The following KIAA1958 variants were observed in gnomAD, a reference collection of about 807,000 sequenced individuals.
The protein encoded by KIAA1958 is KIAA1958, also known as uncharacterized protein KIAA1958.
KIAA1958 carries 14 observed loss-of-function variants against 47.2 expected under a neutral mutation model. That is an observed-to-expected ratio of 0.30 (90% CI 0.20 to 0.46). The LOEUF (loss-of-function observed/expected upper bound fraction) is 0.46. Ranked by LOEUF, KIAA1958 falls within the 20% of genes least tolerant of loss-of-function variation. The probability of loss-of-function intolerance (pLI) is 1.00; values close to 1 mark genes in which losing one functional copy is unlikely to be tolerated. For missense variants in KIAA1958, 803 were observed against 909.2 expected, an observed-to-expected ratio of 0.88 and a Z score of 1.50; for synonymous variants, 354 against 353.3, an observed-to-expected ratio of 1.00 and a Z score of -0.02.
intron 2 of KIAA1958, among the ~76,000 whole-genome samples, chr9:112,623,833 C>T (rs1836552484): frequency 6.6e-6 from 1 of 152,172 alleles, no homozygotes; most frequent in South Asian, 2.1e-4. Flanking sequence ...AAGCCAGTAT[C>T]GATTGCCATT....
intron 2 of KIAA1958, among the ~76,000 whole-genome samples, chr9:112,644,913 A>C (rs148057918): frequency 3.3e-5 from 5 of 152,298 alleles, no homozygotes; most frequent in African/African-American, 1.2e-4. Context: ...AGGTGGGTGG[A>C]TCACCTGAGG....
At chr9:112,595,332 G>GAA (rs760806604) in intron 2 of KIAA1958, among the ~76,000 whole-genome samples, 2 of 152,194 alleles carry the variant, frequency 1.3e-5, no homozygotes, top group Non-Finnish European at 2.9e-5. Context: ...GGTGCCAGCA[G>GAA]AAAACATTAG....
intron 2 of KIAA1958, among the ~76,000 whole-genome samples, chr9:112,603,040 A>T (rs1435780532): frequency 6.6e-6 from 1 of 152,150 alleles, no homozygotes; most frequent in Non-Finnish European, 1.5e-5. Flanking sequence ...AGACCCTGGG[A>T]ATAAAGCAGT....
At chr9:112,608,129 T>C (rs1335348055) in intron 2 of KIAA1958, among the ~76,000 whole-genome samples, 2 of 152,220 alleles carry the variant, frequency 1.3e-5, no homozygotes, top group African/African-American at 2.4e-5. Flanking sequence ...GTGGGAATTA[T>C]GGTTAAAAAC....
chr9:112,628,255 G>A (rs1025128119), intron 2 of KIAA1958, among the ~76,000 whole-genome samples: 1 of 152,130 alleles, frequency 6.6e-6, no homozygotes, highest in Non-Finnish European at 1.5e-5. Flanking sequence ...AACTTGTTGT[G>A]TGACTGTCAC....
intron 1 of KIAA1958, among the ~76,000 whole-genome samples, chr9:112,511,862 GAT>G (rs1834331184): frequency 6.6e-6 from 1 of 152,168 alleles, no homozygotes; most frequent in Admixed American, 6.5e-5. Context: ...GAATTCTACA[GAT>G]ATTAAAAGGA....
chr9:112,526,970 T>C (rs372777167), intron 1 of KIAA1958, among the ~76,000 whole-genome samples: 5 of 152,238 alleles, frequency 3.3e-5, no homozygotes, highest in African/African-American at 1.2e-4. Context: ...GAGGTGTTTA[T>C]GATGAACCTA....
chr9:112,579,463 A>G (rs1031189038), intron 2 of KIAA1958, among the ~76,000 whole-genome samples: 2 of 151,822 alleles, frequency 1.3e-5, no homozygotes, highest in African/African-American at 2.4e-5. Flanking sequence ...TCATGTTACT[A>G]TTTTTGCAGG....
intron 2 of KIAA1958, among the ~76,000 whole-genome samples, chr9:112,580,238 G>A (rs1835714009): frequency 6.6e-6 from 1 of 152,156 alleles, no homozygotes; most frequent in African/African-American, 2.4e-5. Context: ...GTAAACCAGA[G>A]ATTCCTACTA....
chr9:112,595,385 G>T (rs1836002650), intron 2 of KIAA1958, among the ~76,000 whole-genome samples: 1 of 152,182 alleles, frequency 6.6e-6, no homozygotes, highest in Non-Finnish European at 1.5e-5. Context: ...AGCTGGCCGG[G>T]TGCAGTGGCT....
At chr9:112,621,170 G>A (rs1006321395) in intron 2 of KIAA1958, among the ~76,000 whole-genome samples, 6 of 152,154 alleles carry the variant, frequency 3.9e-5, no homozygotes, top group African/African-American at 1.4e-4. Context: ...TGATCAAAAG[G>A]AATGCTGAGT....
At chr9:112,585,353 A>C (rs948816252) in intron 2 of KIAA1958, among the ~76,000 whole-genome samples, 2 of 152,242 alleles carry the variant, frequency 1.3e-5, no homozygotes, top group African/African-American at 4.8e-5. Flanking sequence ...CAGGGAACAC[A>C]TGGAAGTATA....
At chr9:112,587,697 T>C (rs1278126371) in intron 2 of KIAA1958, among the ~76,000 whole-genome samples, 4 of 152,196 alleles carry the variant, frequency 2.6e-5, no homozygotes, top group Non-Finnish European at 5.9e-5. Context: ...ATTGCCTTTT[T>C]CAATTTTCTT....
At chr9:112,635,217 TGTGTGTG>T (rs1836784164) in intron 2 of KIAA1958, among the ~76,000 whole-genome samples, 1 of 9,854 alleles carries the variant, frequency 1.0e-4, no homozygotes, top group African/African-American at 1.5e-4. Context: ...CTTTATTTTG[TGTGTGTG>T]TGTGTGTGTG....
chr9:112,592,984 T>G (rs1238704158), intron 2 of KIAA1958, among the ~76,000 whole-genome samples: 1 of 152,214 alleles, frequency 6.6e-6, no homozygotes, highest in Non-Finnish European at 1.5e-5. Flanking sequence ...AGCTGTTTGT[T>G]TTAGTACACA....
chr9:112,488,155 A>G (rs1362507435), intron 1 of KIAA1958, among the ~76,000 whole-genome samples: 1 of 152,004 alleles, frequency 6.6e-6, no homozygotes, highest in African/African-American at 2.4e-5. Context: ...TGAAGCCTTT[A>G]TTTCTGCTGA....
chr9:112,512,181 G>A (rs1834335233), intron 1 of KIAA1958, among the ~76,000 whole-genome samples: 1 of 152,078 alleles, frequency 6.6e-6, no homozygotes, highest in African/African-American at 2.4e-5. Context: ...TATAGTATAG[G>A]CACCATAACC....
chr9:112,544,608 A>C (rs1235918563), intron 1 of KIAA1958, among the ~76,000 whole-genome samples: 1 of 152,230 alleles, frequency 6.6e-6, no homozygotes, highest in East Asian at 1.9e-4. Flanking sequence ...TGTTAAGCAC[A>C]TTAAAAGTCA....
chr9:112,542,243 A>G (rs1834956830), intron 1 of KIAA1958, among the ~76,000 whole-genome samples: 1 of 152,196 alleles, frequency 6.6e-6, no homozygotes. Context: ...TAAATTTTAA[A>G]CCAGGTTTAA....
Sources: allele counts gnomAD v4.1 joint callset (sites outside exome capture counted in the v4.1 genomes callset), GRCh38; gene constraint gnomAD v4.1.1; transcripts MANE v1.5; gene names NCBI Gene and HGNC (gene_info 2026-07-23, HGNC 2026-07-21).